SLC4A7: variants seen among roughly 807,000 people sequenced by gnomAD.
SLC4A7 encodes solute carrier family 4 member 7.
SLC4A7 carries 51 observed loss-of-function variants against 137.6 expected under a neutral mutation model. That is an observed-to-expected ratio of 0.37 (90% CI 0.30 to 0.47). The LOEUF (loss-of-function observed/expected upper bound fraction) is 0.47. SLC4A7 is among the 20% of genes least tolerant of loss of function. The pLI is 1.00. For synonymous variants in SLC4A7, 542 were observed against 518.6 expected, an observed-to-expected ratio of 1.05 and a Z score of -0.61; for missense variants, 1,247 against 1,525.4, an observed-to-expected ratio of 0.82 and a Z score of 3.04.
intron 1 of SLC4A7, among the ~76,000 whole-genome samples, chr3:27,474,405 G>A (rs936853715): frequency 4.6e-5 from 7 of 152,182 alleles, no homozygotes; most frequent in African/African-American, 1.4e-4. Context: ...TAAAAGGAGA[G>A]ATATATCACA....
At chr3:27,464,798 G>A (rs2058890016) in intron 1 of SLC4A7, among the ~76,000 whole-genome samples, 1 of 152,160 alleles carries the variant, frequency 6.6e-6, no homozygotes, top group Non-Finnish European at 1.5e-5. Context: ...AGCACTGGGA[G>A]GATGGGGTGG....
intron 12 of SLC4A7, 122 bp from the exon 13 acceptor site, chr3:27,409,652 C>T: frequency 1.6e-6 from 1 of 639,632 alleles, no homozygotes; most frequent in Non-Finnish European, 2.7e-6. Context: ...AATGTTAAAT[C>T]CAATTTAACT....
chr3:27,417,646 T>C (rs1351641058), intron 11 of SLC4A7, among the ~76,000 whole-genome samples: 1 of 152,044 alleles, frequency 6.6e-6, no homozygotes, highest in African/African-American at 2.4e-5. Flanking sequence ...CCAGGCTACA[T>C]AGAAGGCTAA....
At chr3:27,387,649 T>C (rs1240827826) in intron 22 of SLC4A7, among the ~76,000 whole-genome samples, 1 of 152,208 alleles carries the variant, frequency 6.6e-6, no homozygotes, top group Non-Finnish European at 1.5e-5. Flanking sequence ...CTGTTATTGA[T>C]TGAATTTTGT....
chr3:27,397,865 C>A lies in SLC4A7; in HGVS notation c.2590-68G>T, dbSNP rs116117906. ...TGTGTTCTTTCTAAATAATTCACAT[C>A]TTTTATTGATAAAATTGTCACTACA... On this transcript the variant is annotated intron_variant, in intron 17 of 25. Transcript: ENST00000454389. 166 of 903,188 alleles carry A rather than the reference C, an allele frequency of 1.8e-4. No individual in the cohort carries two copies. The African/African-American group carries it at 2.6e-3, about 14-fold the overall frequency. 55.9% of individuals were successfully genotyped at this position (903,188 alleles called of 1,614,324 possible). A position where few individuals can be genotyped will look rare whatever the true frequency, so the allele number is the denominator to read the frequency against.
intron 1 of SLC4A7, among the ~76,000 whole-genome samples, chr3:27,465,107 G>C (rs1364865395): frequency 1.3e-5 from 2 of 151,922 alleles, no homozygotes; most frequent in African/African-American, 4.8e-5. Flanking sequence ...AGACCAGCCA[G>C]GACAACATGG....
intron 13 of SLC4A7, among the ~76,000 whole-genome samples, chr3:27,408,356 T>G (rs556257147): frequency 2.0e-5 from 3 of 152,216 alleles, no homozygotes; most frequent in African/African-American, 7.2e-5. Flanking sequence ...CAGAGTGACA[T>G]GCACAATTTG....
chr3:27,420,600 T>C, intron 10 of SLC4A7, 100 bp downstream of exon 10: 2 of 704,362 alleles, frequency 2.8e-6, no homozygotes, highest in South Asian at 6.1e-5. Context: ...GGAAAAGTTT[T>C]AGAGCTTCAC....
chr3:27,421,859 T>C (rs1463521706), intron 8 of SLC4A7, 80 bp from the exon 9 acceptor site: 8 of 996,982 alleles, frequency 8.0e-6, no homozygotes, highest in Non-Finnish European at 1.0e-5. Flanking sequence ...AAAAACTGCT[T>C]TATAAGACTA....
At chr3:27,416,703 TAAC>T (rs1309929431) in intron 11 of SLC4A7, among the ~76,000 whole-genome samples, 1 of 152,088 alleles carries the variant, frequency 6.6e-6, no homozygotes, top group Non-Finnish European at 1.5e-5. Context: ...ACATAAAAAA[TAAC>T]AAATAGCCTT....
rs888939266 is a variant in SLC4A7 at position 27,436,294 on chromosome 3, C to T, written c.589+94G>A. ...TTCTATCTTATTTCCTTATACTGCA[C>T]TCCACAGAATAGAAGCTCAGCATAT... On this transcript the variant is annotated intron_variant, in intron 5 of 25. Coordinates refer to ENST00000454389, the MANE Select transcript of SLC4A7 (RefSeq NM_001321103.2). The T allele has an allele frequency of 3.0e-5, 27 of 900,796 alleles. No homozygotes were observed. The Admixed American group carries it at 6.8e-4, about 23-fold the overall frequency. 55.8% of individuals were successfully genotyped at this position (900,796 alleles called of 1,614,324 possible). A position where few individuals can be genotyped will look rare whatever the true frequency, so the allele number is the denominator to read the frequency against.
At chr3:27,445,278 A>G (rs1211970904) in intron 3 of SLC4A7, among the ~76,000 whole-genome samples, 1 of 151,632 alleles carries the variant, frequency 6.6e-6, no homozygotes, top group Non-Finnish European at 1.5e-5. Flanking sequence ...AGTACTCTCC[A>G]CTCTCTTGAA....
chr3:27,425,370 T>A (rs1271540294), intron 7 of SLC4A7, among the ~76,000 whole-genome samples: 143 of 56,930 alleles, frequency 2.5e-3, no homozygotes, highest in Middle Eastern at 0.026. Flanking sequence ...AACTCCGTCC[T>A]AAAAAAAAAA....
chr3:27,383,358 AAT>A (rs767655402), intron 23 of SLC4A7, 108 bp from the exon 24 acceptor site: 4 of 766,710 alleles, frequency 5.2e-6, no homozygotes, highest in Non-Finnish European at 8.7e-6. Context: ...ACATTATTTA[AAT>A]ATAACTGCCA....
intron 5 of SLC4A7, 23 bp downstream of exon 5, chr3:27,436,365 T>C: frequency 1.3e-6 from 2 of 1,585,460 alleles, no homozygotes; most frequent in South Asian, 2.3e-5. Flanking sequence ...TTACATATTT[T>C]TTAAAAGTCA....
chr3:27,456,761 T>C lies in SLC4A7; in HGVS notation c.61-4263A>G, dbSNP rs1315593384. Reference sequence around the variant, plus strand: ...AGATTCCAGGGACAGTGAGCACATATCTGATTTAGGTCACTGTGCTTTGCA... The same window carrying C: ...AGATTCCAGGGACAGTGAGCACATACCTGATTTAGGTCACTGTGCTTTGCA... On this transcript the variant is annotated intron_variant, in intron 1 of 25. Coordinates refer to ENST00000454389, the MANE Select transcript of SLC4A7 (RefSeq NM_001321103.2). 4.4e-6 allele frequency: 7 copies of C among 1,581,422 alleles called. No homozygotes were observed. In the African/African-American group the frequency reaches 5.5e-5, roughly 12 times the overall value.
chr3:27,385,917 T>G lies in SLC4A7; in HGVS notation c.3467A>C (p.Asp1156Ala). ...LMPESKKKKEDDKKKKEKEEA... is the reference protein window; with the variant it reads ...LMPESKKKKEADKKKKEKEEA... Reference sequence around the variant, plus strand: ...CTCTTTCTCTTTTTTCTTTTTGTCATCTTCTTTCTTTTTCTTACTTTCTGG... The same window carrying G: ...CTCTTTCTCTTTTTTCTTTTTGTCAGCTTCTTTCTTTTTCTTACTTTCTGG... Residue 1156 changes from aspartate (D) to alanine (A), a missense_variant, in exon 23 of 26, where the codon GAT becomes GCT. Asp to Ala is a moderately radical substitution (Grantham distance 126). Transcript: ENST00000454389. 6.4e-7 allele frequency: 1 copy of G among 1,569,370 alleles called. No homozygotes were observed. The highest frequency in any genetic ancestry group is 8.7e-7 in the Non-Finnish European group (1 of 1,146,684).
intron 1 of SLC4A7, among the ~76,000 whole-genome samples, chr3:27,455,752 C>A (rs901594677): frequency 6.6e-6 from 1 of 151,864 alleles, no homozygotes; most frequent in Non-Finnish European, 1.5e-5. Context: ...GTGGAGCATG[C>A]CTTTAATTCC....
intron 22 of SLC4A7, among the ~76,000 whole-genome samples, chr3:27,386,711 A>G (rs2050993382): frequency 6.6e-6 from 1 of 152,186 alleles, no homozygotes; most frequent in Non-Finnish European, 1.5e-5. Context: ...CATATAAGAA[A>G]CATTTAATTA....
Sources: allele counts gnomAD v4.1 joint callset (sites outside exome capture counted in the v4.1 genomes callset), GRCh38; gene constraint gnomAD v4.1.1; transcripts MANE v1.5; gene names NCBI Gene and HGNC (gene_info 2026-07-23, HGNC 2026-07-21).